Variants in MTCL2 observed in about 807,000 individuals in gnomAD.
MTCL2 encodes microtubule crosslinking factor 2.
At chr20:36,793,620 T>C in the MTCL2 span, 1 of 1,551,540 alleles carries the variant, frequency 6.4e-7, no homozygotes, top group Non-Finnish European at 8.7e-7. This position sits in a 1 kb window ranked among gnomAD's most constrained non-coding sequence, Gnocchi z 6.8. Flanking sequence ...CCATCGTTGA[T>C]GTTTCTCAAT....
the MTCL2 span, among the ~76,000 whole-genome samples, chr20:36,808,310 T>A: frequency 6.7e-6 from 1 of 149,494 alleles, no homozygotes; most frequent in Non-Finnish European, 1.5e-5. Context: ...AGGCTGAGAT[T>A]GCACCACTGC....
the MTCL2 span, among the ~76,000 whole-genome samples, chr20:36,810,754 T>TCTCTCTCTCTCTCTCTC: frequency 2.4e-5 from 1 of 42,472 alleles, no homozygotes; most frequent in Non-Finnish European, 6.6e-5. Flanking sequence ...CTCTCTCTCT[T>TCTCTCTCTCTCTCTCTC]TCAACGGAGT....
chr20:36,852,393 CCCAAGAGGCCAGGGCAG>C, the MTCL2 span, among the ~76,000 whole-genome samples: 2 of 152,356 alleles, frequency 1.3e-5, no homozygotes, highest in African/African-American at 4.8e-5. Context: ...GCCAGCCCCA[CCCAAGAGGCCAGGGCAG>C]CCATCTGCCG....
the MTCL2 span, among the ~76,000 whole-genome samples, chr20:36,831,784 A>G: frequency 1.3e-5 from 2 of 152,216 alleles, no homozygotes; most frequent in South Asian, 2.1e-4. Context: ...GGCTTTGCAG[A>G]TAGGAAAACT....
chr20:36,783,784 A>G, the MTCL2 span: 1 of 985,468 alleles, frequency 1.0e-6, no homozygotes, highest in Non-Finnish European at 1.2e-6. Context: ...ATCACATTCC[A>G]AAAGAGTAGA....
At chr20:36,834,281 C>T in the MTCL2 span, among the ~76,000 whole-genome samples, 1 of 152,018 alleles carries the variant, frequency 6.6e-6, no homozygotes, top group Non-Finnish European at 1.5e-5. Flanking sequence ...CCCCACTCTA[C>T]AGATGAGGAA....
At chr20:36,833,814 C>T in the MTCL2 span, among the ~76,000 whole-genome samples, 8 of 152,014 alleles carry the variant, frequency 5.3e-5, no homozygotes, top group East Asian at 1.4e-3. Flanking sequence ...GATCAGCCAC[C>T]GTACTGCAGC....
At chr20:36,827,357 C>CTTTTTT in the MTCL2 span, among the ~76,000 whole-genome samples, 1 of 116,360 alleles carries the variant, frequency 8.6e-6, no homozygotes, top group Non-Finnish European at 1.8e-5. Flanking sequence ...CTGGACCCCC[C>CTTTTTT]TTTTTTTTTT....
At chr20:36,786,011 G>A in the MTCL2 span, 4 of 986,078 alleles carry the variant, frequency 4.1e-6, no homozygotes, top group East Asian at 3.4e-4. Flanking sequence ...ACCAAACATG[G>A]AGCCCTAGAG....
chr20:36,803,494 AG>A, the MTCL2 span, among the ~76,000 whole-genome samples: 1 of 151,604 alleles, frequency 6.6e-6, no homozygotes, highest in Admixed American at 6.6e-5. Context: ...TGAGCTGGTC[AG>A]GTTCTTGGTG....
the MTCL2 span, among the ~76,000 whole-genome samples, chr20:36,805,233 G>C: frequency 1.2e-3 from 188 of 152,274 alleles, 1 homozygote; most frequent in African/African-American, 4.1e-3. Context: ...CTCAGGATCT[G>C]CCTCTCTGAC....
the MTCL2 span, among the ~76,000 whole-genome samples, chr20:36,809,471 C>T: frequency 2.3e-4 from 35 of 152,146 alleles, no homozygotes; most frequent in South Asian, 4.2e-4. Context: ...TCCCACAGGC[C>T]GCCAATGACA....
chr20:36,790,944 C>T, the MTCL2 span, among the ~76,000 whole-genome samples: 11 of 152,056 alleles, frequency 7.2e-5, no homozygotes, highest in South Asian at 8.3e-4. Flanking sequence ...AGAAAAGTAA[C>T]GCACTCGCCA....
At chr20:36,792,352 T>A in the MTCL2 span, among the ~76,000 whole-genome samples, 1 of 151,800 alleles carries the variant, frequency 6.6e-6, no homozygotes, top group African/African-American at 2.4e-5. Flanking sequence ...TACTAAAAAA[T>A]ACAAAAATTA....
chr20:36,844,149 T>C, the MTCL2 span, among the ~76,000 whole-genome samples: 2 of 151,966 alleles, frequency 1.3e-5, no homozygotes, highest in African/African-American at 4.8e-5. Context: ...GGCAGGAGAA[T>C]TGCTTGAACC....
the MTCL2 span, among the ~76,000 whole-genome samples, chr20:36,838,940 G>A: frequency 4.0e-5 from 6 of 151,622 alleles, no homozygotes; most frequent in Admixed American, 1.3e-4. Context: ...TTGCATTCCA[G>A]CCTGGGCAAC....
the MTCL2 span, among the ~76,000 whole-genome samples, chr20:36,831,912 C>T: frequency 2.0e-5 from 3 of 152,198 alleles, no homozygotes; most frequent in African/African-American, 7.2e-5. Flanking sequence ...GATCAACATT[C>T]CATTCATTAA....
the MTCL2 span, chr20:36,797,062 C>T: frequency 2.4e-5 from 23 of 941,556 alleles, no homozygotes; most frequent in Admixed American, 3.6e-4. Context: ...ATCCGGAGAG[C>T]AGGAATGATG....
the MTCL2 span, among the ~76,000 whole-genome samples, chr20:36,830,251 A>G: frequency 8.5e-5 from 13 of 152,068 alleles, no homozygotes; most frequent in African/African-American, 3.1e-4. Flanking sequence ...AACTGGGTAC[A>G]GTAGCTCACA....
Sources: gnomAD v4.1 joint callset for allele counts (sites outside exome capture counted in the v4.1 genomes callset) on GRCh38, gnomAD v4.1.1 for gene constraint, Gnocchi (gnomAD v3.1) non-coding constraint, MANE v1.5 for transcripts, NCBI Gene and HGNC (gene_info 2026-07-23, HGNC 2026-07-21) for gene names.